MRPL34: variants seen among roughly 807,000 people sequenced by gnomAD.
MRPL34 encodes the protein mitochondrial ribosomal protein L34.
Under a neutral mutation model 6.7 loss-of-function variants are expected in MRPL34, and 8 were observed. The observed-to-expected ratio is 1.20, with a 90% CI of 0.70 to 2.16. The LOEUF (loss-of-function observed/expected upper bound fraction) is 2.16, where lower values mean the gene tolerates loss of function less well. Among genes scored for constraint, MRPL34 ranks in the 30% most tolerant of loss-of-function variants. The pLI is 0.00. For synonymous variants in MRPL34, 59 were observed against 55.1 expected, an observed-to-expected ratio of 1.07 and a Z score of -0.31; for missense variants, 146 against 125.5, an observed-to-expected ratio of 1.16 and a Z score of -0.78.
intron 1 of MRPL34, among the ~76,000 whole-genome samples, chr19:17,293,674 T>C (rs2074080695): frequency 6.9e-6 from 1 of 144,106 alleles, no homozygotes; most frequent in Admixed American, 7.1e-5. Context: ...AGTCCAGTTA[T>C]ACTTTAATGG....
rs141967961 is a variant in MRPL34, at chr19:17,293,879, G to A, written c.214+1025G>A. On this transcript the variant is annotated intron_variant, in intron 1 of 2. Transcript: ENST00000595444. ...GGGCTAGTATCCAGGGCTATTCTAAGTGCTAAGGATCCCCAGACCCTTTCT... is the reference window on the plus strand; with the variant it reads ...GGGCTAGTATCCAGGGCTATTCTAAATGCTAAGGATCCCCAGACCCTTTCT... 4.6e-3 allele frequency among the ~76,000 whole-genome samples: 705 copies of A among 152,046 alleles called. 4 individuals carry two copies. The highest frequency in any genetic ancestry group is 0.016 in the African/African-American group (660 of 41,472).
intron 1 of MRPL34, chr19:17,294,807 T>C: frequency 2.5e-6 from 4 of 1,614,190 alleles, no homozygotes; most frequent in Non-Finnish European, 3.4e-6. Flanking sequence ...GTGCACTAGG[T>C]CTGGGTACTC....
chr19:17,298,693 T>G (rs2074103653), upstream of MRPL34, among the ~76,000 whole-genome samples: 1 of 145,172 alleles, frequency 6.9e-6, no homozygotes, highest in South Asian at 2.2e-4. Flanking sequence ...AGAAAAAAAA[T>G]AACCTGGCCA....
intron 1 of MRPL34, 100 bp downstream of exon 1, chr19:17,306,057 G>T (rs927675207): frequency 1.4e-5 from 22 of 1,536,670 alleles, no homozygotes; most frequent in Middle Eastern, 1.9e-4. Context: ...AGTGCCTTGC[G>T]CATTTTGCAG....
chr19:17,292,872 G>A, intron 1 of MRPL34: 1 of 1,585,510 alleles, frequency 6.3e-7, no homozygotes. Context: ...GGGGCAAGAG[G>A]GTGGAGAGAG....
upstream of MRPL34, among the ~76,000 whole-genome samples, chr19:17,299,904 CT>C (rs35667706): frequency 0.19 from 26,920 of 140,038 alleles, 2,827 homozygotes; most frequent in South Asian, 0.3. Context: ...GTGGTGGCCC[CT>C]TTTTTTTTTT....
chr19:17,294,584 C>A, intron 1 of MRPL34: 1 of 1,607,676 alleles, frequency 6.2e-7, no homozygotes, highest in South Asian at 1.1e-5. Context: ...AGCCCTAGTC[C>A]CAGCGGTACA....
At chr19:17,297,263 C>T (rs2145654946) in intron 1 of MRPL34, among the ~76,000 whole-genome samples, 1 of 152,182 alleles carries the variant, frequency 6.6e-6, no homozygotes, top group South Asian at 2.1e-4. Flanking sequence ...GTTATGGGGT[C>T]ATGGGAACTA....
upstream of MRPL34, chr19:17,301,048 A>C: frequency 6.2e-7 from 1 of 1,613,474 alleles, no homozygotes; most frequent in Non-Finnish European, 8.5e-7. Flanking sequence ...CTCCTTCCAG[A>C]TGGCCAGGGA....
At chr19:17,294,177 G>A in intron 1 of MRPL34, 2 of 1,346,022 alleles carry the variant, frequency 1.5e-6, no homozygotes, top group Non-Finnish European at 2.0e-6. Context: ...ACGCCCCCTC[G>A]GGAAGAAAGC....
chr19:17,297,513 C>A (rs2074098272), intron 1 of MRPL34, among the ~76,000 whole-genome samples: 2 of 152,088 alleles, frequency 1.3e-5, no homozygotes, highest in African/African-American at 4.8e-5. Context: ...CCAGGCTGGT[C>A]TTGAACTCCT....
At chr19:17,305,006 T>A (rs1039860066), upstream of MRPL34, among the ~76,000 whole-genome samples, 1 of 151,464 alleles carries the variant, frequency 6.6e-6, no homozygotes, top group Admixed American at 6.6e-5. Flanking sequence ...AATGCTGGAA[T>A]TACAGGCATG....
upstream of MRPL34, chr19:17,303,294 AG>A (rs2074130008): frequency 6.6e-6 from 1 of 152,300 alleles, no homozygotes; most frequent in Admixed American, 6.5e-5. Flanking sequence ...CAGGCGGAGA[AG>A]CCAGCGTCCG....
Position 17,306,581 on chromosome 19 carries a change from A to G in MRPL34, c.*202A>G. 1.8e-6 allele frequency: 1 copy of G among 549,984 alleles called. No homozygotes were observed. 34.1% of individuals were successfully genotyped at this position (549,984 alleles called of 1,614,324 possible). The stretch of plus-strand genomic sequence containing the variant: ...TTAGGAAGCATTTCGAACCTGCGCA[A>G]CAGACCAAAGAACAGTACAAAGAAC... On this transcript the variant is annotated 3_prime_UTR_variant, in exon 2 of 2. Coordinates refer to ENST00000252602, the MANE Select transcript of MRPL34 (RefSeq NM_023937.4).
At chr19:17,300,151 G>A (rs895728355), upstream of MRPL34, among the ~76,000 whole-genome samples, 1 of 150,744 alleles carries the variant, frequency 6.6e-6, no homozygotes, top group Non-Finnish European at 1.5e-5. Flanking sequence ...TGATCCGCCC[G>A]CCTCAGCCTC....
upstream of MRPL34, among the ~76,000 whole-genome samples, chr19:17,299,197 C>T (rs12052118): frequency 1.4e-3 from 206 of 151,744 alleles, 1 homozygote; most frequent in East Asian, 0.036. Flanking sequence ...ATGGCTTGAG[C>T]CCAGGAGTTC....
Position 17,294,624 on chromosome 19 carries a change from G to A in MRPL34, c.214+1770G>A, listed in dbSNP as rs368550001. ...CCCCTCCCATCCAACTCGAGCAGAT[G>A]CCTGGGTTCGCCAGGGCCAGGATCA... On this transcript the variant is annotated intron_variant, in intron 1 of 2. Coordinates refer to the MRPL34 transcript ENST00000595444. The A allele has an allele frequency of 2.5e-6, 4 of 1,608,296 alleles. No individual in the cohort carries two copies. The African/African-American group carries it at 5.3e-5, about 21-fold the overall frequency.
At chr19:17,301,147 G>C (rs369279878), upstream of MRPL34, 15 of 1,612,070 alleles carry the variant, frequency 9.3e-6, no homozygotes, top group Non-Finnish European at 1.3e-5. Flanking sequence ...AATATGGATG[G>C]TCCTCTTGGG....
At chr19:17,295,090 ATTTTTTTTTTTTTT>A (rs779607230) in intron 1 of MRPL34, among the ~76,000 whole-genome samples, 1 of 80,412 alleles carries the variant, frequency 1.2e-5, no homozygotes, top group Admixed American at 1.7e-4. Flanking sequence ...CACCCAGGTA[ATTTTTTTTTTTTTT>A]TTTTTTTTTT....
Sources: allele counts gnomAD v4.1 joint callset (sites outside exome capture counted in the v4.1 genomes callset), GRCh38; gene constraint gnomAD v4.1.1; transcripts MANE v1.5; gene names NCBI Gene and HGNC (gene_info 2026-07-23, HGNC 2026-07-21).